Variants in MAN1A1 observed in about 807,000 individuals in gnomAD.
The protein encoded by MAN1A1 is mannosidase alpha class 1A member 1.
MAN1A1 carries 29 observed loss-of-function variants against 70.8 expected under a neutral mutation model. The ratio of observed to expected loss-of-function variants is 0.41; its 90% CI spans 0.31 to 0.56. MAN1A1 has a LOEUF of 0.56. Ranked by LOEUF, MAN1A1 falls within the 20% of genes least tolerant of loss-of-function variation. The probability of loss-of-function intolerance (pLI) is 0.29; values close to 1 mark genes in which losing one functional copy is unlikely to be tolerated. For missense variants in MAN1A1, 747 were observed against 841.3 expected (o/e 0.89, Z 1.39); for synonymous variants, 349 against 330.1 (o/e 1.06, Z -0.62).
intron 6 of MAN1A1, among the ~76,000 whole-genome samples, chr6:119,240,832 G>A (rs1274836295): frequency 6.6e-6 from 1 of 152,186 alleles, no homozygotes; most frequent in Admixed American, 6.5e-5. Context: ...TTTGGTCAAG[G>A]TATTGAGTGC....
At position 119,179,644 on chromosome 6, in the gene MAN1A1, A is replaced by G; in HGVS notation, c.*175T>C. On this transcript the variant is annotated 3_prime_UTR_variant, in exon 13 of 13. Coordinates refer to ENST00000368468, the MANE Select transcript of MAN1A1 (RefSeq NM_005907.4). ...TGGCTGAATTAATAAAGGATATGATAAGGAATTTAGGTCCACCTATACCTA... is the reference window on the plus strand; with the variant it reads ...TGGCTGAATTAATAAAGGATATGATGAGGAATTTAGGTCCACCTATACCTA... The G allele has an allele frequency of 2.2e-6, 1 of 461,528 alleles. No individual in the cohort carries two copies. Among genetic ancestry groups the G allele is most frequent in the Non-Finnish European group, 3.8e-6 (1 of 261,530 alleles). The allele number at this position is 461,528 out of a possible 1,614,324, so 28.6% of individuals were successfully genotyped here.
At chr6:119,306,839 G>A (rs1356542533) in intron 3 of MAN1A1, 57 bp downstream of exon 3, 15 of 1,252,258 alleles carry the variant, frequency 1.2e-5, no homozygotes, top group Non-Finnish European at 3.5e-6. Context: ...CCATCCATAA[G>A]CTCAAGCAAT....
At chr6:119,315,758 G>A (rs1234369810) in intron 2 of MAN1A1, among the ~76,000 whole-genome samples, 1 of 152,182 alleles carries the variant, frequency 6.6e-6, no homozygotes, top group African/African-American at 2.4e-5. Context: ...AAGCACTATT[G>A]CTGAGAACAC....
At position 119,259,284 on chromosome 6, in the gene MAN1A1, C is replaced by T. The variant is rs147098676; in HGVS notation, c.898-10930G>A. 3.9e-4 allele frequency among the ~76,000 whole-genome samples: 59 copies of T among 152,270 alleles called. 1 individual carries two copies. The South Asian group carries it at 8.9e-3, about 23-fold the overall frequency. On this transcript the variant is annotated intron_variant, in intron 5 of 12. Coordinates refer to ENST00000368468, the MANE Select transcript of MAN1A1 (RefSeq NM_005907.4). ...AGTCAAATGTCCTTCCTCTATCTTA[C>T]GGTGAAGGGCACAAGCTTCAGGACA...
At chr6:119,241,897 T>C (rs1468785348) in intron 6 of MAN1A1, among the ~76,000 whole-genome samples, 1 of 49,804 alleles carries the variant, frequency 2.0e-5, no homozygotes, top group Non-Finnish European at 5.6e-5. Flanking sequence ...GCAGCAATTA[T>C]ATGTGTGTGT....
chr6:119,247,732 C>A (rs1285824081), intron 6 of MAN1A1, among the ~76,000 whole-genome samples: 1 of 152,128 alleles, frequency 6.6e-6, no homozygotes, highest in Non-Finnish European at 1.5e-5. Context: ...TTGGATTGAT[C>A]TGGGTGAGTG....
At chr6:119,310,975 A>G (rs1458653318) in intron 2 of MAN1A1, among the ~76,000 whole-genome samples, 1 of 152,218 alleles carries the variant, frequency 6.6e-6, no homozygotes. Context: ...AGTAAGGCGT[A>G]AAAGCGGGTC....
intron 6 of MAN1A1, among the ~76,000 whole-genome samples, chr6:119,216,417 G>T (rs1404512503): frequency 6.6e-6 from 1 of 152,182 alleles, no homozygotes; most frequent in African/African-American, 2.4e-5. Context: ...TTGTCAGGAA[G>T]AATTGGATTT....
Position 119,349,000 on chromosome 6 carries a change from G to C in MAN1A1, c.66C>G (p.Leu22=). 1 of 1,421,558 alleles carries C rather than the reference G, an allele frequency of 7.0e-7. No individual in the cohort carries two copies. The highest frequency in any genetic ancestry group is 9.2e-7 in the Non-Finnish European group (1 of 1,083,400). 88.1% of individuals were successfully genotyped at this position (1,421,558 alleles called of 1,614,324 possible). Residue 22 remains leucine, a synonymous_variant, in exon 2 of 13, where the codon CTC becomes CTG. Coordinates refer to ENST00000368468, the MANE Select transcript of MAN1A1 (RefSeq NM_005907.4). The part of the protein sequence containing the change: ...SPAGGVLGGG[L]GGGGGRKGSG... Reference sequence around the variant, plus strand: ...ACCCCTTCCTGCCACCGCCGCCGCCGAGCCCCCCGCCCAGGACGCCGCCCG... The same window carrying C: ...ACCCCTTCCTGCCACCGCCGCCGCCCAGCCCCCCGCCCAGGACGCCGCCCG...
chr6:119,265,125 A>T (rs1444983605), intron 5 of MAN1A1, among the ~76,000 whole-genome samples: 1 of 149,964 alleles, frequency 6.7e-6, no homozygotes, highest in Non-Finnish European at 1.5e-5. Flanking sequence ...TTTTAAGACA[A>T]GGTCTCACTC....
chr6:119,313,979 A>C (rs1321615048), intron 2 of MAN1A1, among the ~76,000 whole-genome samples: 1 of 152,200 alleles, frequency 6.6e-6, no homozygotes, highest in Admixed American at 6.5e-5. Context: ...AAGGGTTAAA[A>C]AAAAAAATCC....
intron 4 of MAN1A1, among the ~76,000 whole-genome samples, chr6:119,298,391 G>A (rs1221777344): frequency 6.6e-6 from 1 of 152,006 alleles, no homozygotes; most frequent in Non-Finnish European, 1.5e-5. Context: ...AAGGAAATGA[G>A]TTTTAGTTAA....
At chr6:119,303,020 A>C (rs2114443386) in intron 3 of MAN1A1, among the ~76,000 whole-genome samples, 1 of 152,054 alleles carries the variant, frequency 6.6e-6, no homozygotes, top group East Asian at 1.9e-4. Context: ...TTAGTCTATA[A>C]ACTTTTTTTT....
At chr6:119,348,382 G>C (rs1056458274) in intron 2 of MAN1A1, 81 bp downstream of exon 2, 21 of 1,341,122 alleles carry the variant, frequency 1.6e-5, no homozygotes, top group Non-Finnish European at 2.0e-5. Context: ...CATTGTTGCA[G>C]TCTTCAGAGT....
intron 2 of MAN1A1, among the ~76,000 whole-genome samples, chr6:119,317,340 T>C (rs1369551279): frequency 6.6e-6 from 1 of 152,176 alleles, no homozygotes; most frequent in Non-Finnish European, 1.5e-5. Flanking sequence ...TTTACTACCA[T>C]AGTATCATAG....
chr6:119,280,231 CT>C (rs1776194509), intron 5 of MAN1A1, among the ~76,000 whole-genome samples: 1 of 152,150 alleles, frequency 6.6e-6, no homozygotes, highest in Admixed American at 6.6e-5. Context: ...ATCTTCTGTG[CT>C]TGAGATCTCT....
intron 5 of MAN1A1, among the ~76,000 whole-genome samples, chr6:119,282,719 A>G (rs1776254123): frequency 6.6e-6 from 1 of 152,186 alleles, no homozygotes; most frequent in African/African-American, 2.4e-5. Context: ...CCTCTAAGAA[A>G]TCAAAGGGCC....
intron 11 of MAN1A1, 46 bp from the exon 12 acceptor site, chr6:119,180,473 G>T: frequency 2.1e-6 from 2 of 971,222 alleles, no homozygotes; most frequent in East Asian, 2.4e-5. Context: ...TCAGTAAACT[G>T]ATTGTCACTA....
At chr6:119,205,166 T>C (rs1165515578) in intron 6 of MAN1A1, among the ~76,000 whole-genome samples, 1 of 152,214 alleles carries the variant, frequency 6.6e-6, no homozygotes, top group Non-Finnish European at 1.5e-5. Flanking sequence ...GCTATATAGA[T>C]GCATAACCAT....
Sources: gnomAD v4.1 joint callset for allele counts (sites outside exome capture counted in the v4.1 genomes callset) on GRCh38, gnomAD v4.1.1 for gene constraint, MANE v1.5 for transcripts, NCBI Gene and HGNC (gene_info 2026-07-23, HGNC 2026-07-21) for gene names.